Variants in MDGA2 observed in about 807,000 individuals in gnomAD.
MDGA2 encodes the protein MAM domain containing glycosylphosphatidylinositol anchor 2, also known as MAM domain-containing glycosylphosphatidylinositol anchor protein 2.
A neutral mutation model predicts 117.8 loss-of-function variants in MDGA2; 40 were observed. The observed-to-expected ratio is 0.34, with a 90% CI of 0.26 to 0.44. The LOEUF (loss-of-function observed/expected upper bound fraction) is 0.44, where lower values mean the gene tolerates loss of function less well. Ranked by LOEUF, MDGA2 falls within the 20% of genes least tolerant of loss-of-function variation. The pLI, the probability that MDGA2 is intolerant of heterozygous loss-of-function variation, is 1.00. For synonymous variants in MDGA2, 452 were observed against 439.0 expected (o/e 1.03, Z -0.37); for missense variants, 1,123 against 1,250.6 (o/e 0.90, Z 1.54).
chr14:47,061,399 G>C lies in MDGA2; in HGVS notation c.1375C>G (p.Gln459Glu). The C allele has an allele frequency of 6.2e-7, 1 of 1,613,636 alleles. No individual in the cohort carries two copies. The highest frequency in any genetic ancestry group is 8.5e-7 in the Non-Finnish European group (1 of 1,179,672). Residue 459 changes from glutamine (Q) to glutamate (E), a missense_variant, in exon 7 of 17, where the codon CAG becomes GAG. Transcript: ENST00000399232. ...LRSSERMVITQTDPDVSPGTT... is the reference protein window; with the variant it reads ...LRSSERMVITETDPDVSPGTT... ...CCCGGAGAGACATCAGGATCAGTCT[G>C]TGTAATGACCATCCGCTCAGAACTT...
intron 1 of MDGA2, among the ~76,000 whole-genome samples, chr14:47,324,015 G>T (rs1018604518): frequency 6.6e-6 from 1 of 152,104 alleles, no homozygotes; most frequent in Admixed American, 6.5e-5. Context: ...GGAGGCCGAG[G>T]CGTGAGAATC....
intron 6 of MDGA2, among the ~76,000 whole-genome samples, chr14:47,065,337 G>A (rs903379007): frequency 5.3e-5 from 8 of 152,112 alleles, no homozygotes; most frequent in Admixed American, 2.6e-4. Context: ...TGTAAATGGA[G>A]TGAAACCCAA....
chr14:46,898,672 C>A (rs1883172712), intron 10 of MDGA2, among the ~76,000 whole-genome samples: 1 of 152,040 alleles, frequency 6.6e-6, no homozygotes, highest in African/African-American at 2.4e-5. Context: ...TGTGTTGGCT[C>A]CTTTAAAGAA....
chr14:47,006,429 GTA>G (rs919492299), intron 8 of MDGA2, among the ~76,000 whole-genome samples: 3,288 of 146,764 alleles, frequency 0.022, 114 homozygotes, highest in African/African-American at 0.072. Context: ...TATATTATAT[GTA>G]TATGTTTTAA....
chr14:47,591,547 A>G (rs1299651059), intron 1 of MDGA2, among the ~76,000 whole-genome samples: 4 of 152,196 alleles, frequency 2.6e-5, no homozygotes, highest in Non-Finnish European at 4.4e-5. Flanking sequence ...AAAATCCCCA[A>G]TAAAGTACTG....
intron 8 of MDGA2, among the ~76,000 whole-genome samples, chr14:46,961,932 G>GC (rs1410002636): frequency 6.6e-6 from 1 of 151,966 alleles, no homozygotes; most frequent in Non-Finnish European, 1.5e-5. Context: ...GTGAGCCACC[G>GC]CACCGGGCCA....
chr14:46,876,902 T>C (rs1275483828), intron 12 of MDGA2, among the ~76,000 whole-genome samples: 1 of 151,598 alleles, frequency 6.6e-6, no homozygotes, highest in Non-Finnish European at 1.5e-5. Flanking sequence ...TTTTCATATA[T>C]GGGAATATTT....
chr14:46,962,531 T>C (rs1279629945), intron 8 of MDGA2, among the ~76,000 whole-genome samples: 1 of 152,180 alleles, frequency 6.6e-6, no homozygotes, highest in East Asian at 1.9e-4. Context: ...GCAAATACCC[T>C]CAAGGCAAAT....
In MDGA2 at chr14:47,266,615, C is replaced by A. The variant is rs1266820990; in HGVS notation, c.420+34796G>T. On this transcript the variant is annotated intron_variant, in intron 2 of 16. Transcript: ENST00000399232. ...ACTCCAAAGTCCTTATGTAGATTTT[C>A]CTCAGCTCTTCAGGATCTGTTCCCT... is the stretch of plus-strand genomic sequence containing the variant. Among the ~76,000 whole-genome samples, 3 of 152,156 alleles carry A rather than the reference C, an allele frequency of 2.0e-5. No individual in the cohort carries two copies. In the East Asian group the frequency reaches 5.8e-4, roughly 29 times the overall value.
intron 3 of MDGA2, among the ~76,000 whole-genome samples, chr14:47,166,884 T>TA (rs1235099942): frequency 4.6e-5 from 7 of 152,168 alleles, no homozygotes; most frequent in African/African-American, 1.4e-4. Flanking sequence ...TTATTAATTT[T>TA]AAAACTGATA....
At chr14:46,926,570 T>C (rs1033636507) in intron 9 of MDGA2, among the ~76,000 whole-genome samples, 2 of 152,034 alleles carry the variant, frequency 1.3e-5, no homozygotes, top group Admixed American at 1.3e-4. Flanking sequence ...TTAGGTAAAA[T>C]ACACAATAAA....
chr14:47,108,343 A>G (rs920787139), intron 5 of MDGA2, among the ~76,000 whole-genome samples: 10 of 152,198 alleles, frequency 6.6e-5, no homozygotes, highest in Non-Finnish European at 1.2e-4. Flanking sequence ...AAGCCAAGCC[A>G]TCGCATCCCC....
intron 1 of MDGA2, among the ~76,000 whole-genome samples, chr14:47,516,437 A>G (rs988748471): frequency 6.6e-6 from 1 of 152,172 alleles, no homozygotes; most frequent in African/African-American, 2.4e-5. Flanking sequence ...CCTTAGATTC[A>G]AAGGGACACA....
chr14:47,306,729 T>G (rs1889457551), intron 1 of MDGA2, among the ~76,000 whole-genome samples: 1 of 152,118 alleles, frequency 6.6e-6, no homozygotes, highest in African/African-American at 2.4e-5. Flanking sequence ...CTGGTCCCTC[T>G]CCTAGAACCT....
chr14:47,661,625 C>T (rs190903134), intron 1 of MDGA2, among the ~76,000 whole-genome samples: 1 of 152,066 alleles, frequency 6.6e-6, no homozygotes, highest in East Asian at 1.9e-4. Context: ...GCAAGTGATG[C>T]TAAGCTTCAA....
chr14:47,144,121 C>G lies in MDGA2; in HGVS notation c.749G>C (p.Gly250Ala), dbSNP rs554614271. 1 of 1,550,932 alleles carries G rather than the reference C, an allele frequency of 6.4e-7. No individual in the cohort carries two copies. The highest frequency in any genetic ancestry group is 8.7e-7 in the Non-Finnish European group (1 of 1,146,610). ...WRRGQEVLLQ[G>A]SDKGVEIYEP... Reference sequence around the variant, plus strand: ...ATAAATCTCAACTCCTTTATCAGATCCTTGCAGCAAGACCTCCTGGCCACG... The same window carrying G: ...ATAAATCTCAACTCCTTTATCAGATGCTTGCAGCAAGACCTCCTGGCCACG... Residue 250 changes from glycine (G) to alanine (A), a missense_variant, in exon 4 of 17, where the codon GGA becomes GCA. Around this residue, in one of 2 missense-constraint regions of MDGA2, gnomAD observed 890 missense variants for 1,050.3 expected, o/e 0.85. Transcript: ENST00000399232.
At chr14:47,195,531 A>C (rs768488146) in intron 3 of MDGA2, among the ~76,000 whole-genome samples, 1 of 152,092 alleles carries the variant, frequency 6.6e-6, no homozygotes, top group African/African-American at 2.4e-5. Context: ...ACAAAGTTTA[A>C]TTATCTTCAT....
intron 9 of MDGA2, among the ~76,000 whole-genome samples, chr14:46,947,670 A>T (rs1566539917): frequency 6.6e-6 from 1 of 152,042 alleles, no homozygotes; most frequent in Non-Finnish European, 1.5e-5. Context: ...TCCATGTAAG[A>T]CATGACTTGC....
intron 2 of MDGA2, among the ~76,000 whole-genome samples, chr14:47,256,910 AAG>A (rs780685330): frequency 8.8e-4 from 134 of 151,928 alleles, no homozygotes; most frequent in Non-Finnish European, 1.6e-3. Flanking sequence ...GAAAGAAAGA[AAG>A]AAAAAGAAAG....
Sources: allele counts gnomAD v4.1 joint callset (sites outside exome capture counted in the v4.1 genomes callset), GRCh38; gene constraint gnomAD v4.1.1; regional missense constraint gnomAD v4.1.1; transcripts MANE v1.5; gene names NCBI Gene and HGNC (gene_info 2026-07-23, HGNC 2026-07-21).